LRMDA: variants seen among roughly 807,000 people sequenced by gnomAD.
LRMDA encodes the protein leucine rich melanocyte differentiation associated, also known as leucine-rich melanocyte differentiation-associated protein.
A neutral mutation model predicts 29.8 loss-of-function variants in LRMDA; 18 were observed. The observed-to-expected ratio is 0.60, with a 90% CI of 0.42 to 0.90. The LOEUF is 0.90. Ranked by LOEUF, LRMDA falls within the 40% of genes least tolerant of loss-of-function variation. The probability of loss-of-function intolerance (pLI) is 0.00; values close to 1 mark genes in which losing one functional copy is unlikely to be tolerated. For synonymous variants in LRMDA, 125 were observed against 109.4 expected (o/e 1.14, Z -0.89); for missense variants, 273 against 273.9 (o/e 1.00, Z 0.02).
chr10:76,390,422 T>A (rs1841709087), intron 6 of LRMDA, among the ~76,000 whole-genome samples: 1 of 151,796 alleles, frequency 6.6e-6, no homozygotes, highest in South Asian at 2.1e-4. Flanking sequence ...TGATAAGGCT[T>A]CCATGATGCA....
At chr10:76,292,964 T>C (rs1840367586) in intron 5 of LRMDA, among the ~76,000 whole-genome samples, 1 of 152,096 alleles carries the variant, frequency 6.6e-6, no homozygotes, top group Admixed American at 6.6e-5. Context: ...AAACAGTGTG[T>C]GTATTTAATT....
chr10:75,785,975 A>G (rs1212828356), intron 2 of LRMDA, among the ~76,000 whole-genome samples: 5 of 152,262 alleles, frequency 3.3e-5, no homozygotes, highest in African/African-American at 9.6e-5. Context: ...GCCTTTTCAC[A>G]TAATGAGTAG....
At chr10:75,613,851 C>G (rs1257153452) in intron 2 of LRMDA, among the ~76,000 whole-genome samples, 2 of 152,144 alleles carry the variant, frequency 1.3e-5, no homozygotes, top group Non-Finnish European at 1.5e-5. Context: ...AATGGTTACC[C>G]TTTGGTGCTT....
At chr10:76,309,813 C>T (rs562132829) in intron 5 of LRMDA, among the ~76,000 whole-genome samples, 1 of 152,178 alleles carries the variant, frequency 6.6e-6, no homozygotes, top group African/African-American at 2.4e-5. Flanking sequence ...AATTTTACAA[C>T]AAGCCAGCGC....
At chr10:75,964,769 TTTG>T (rs1449475322) in intron 2 of LRMDA, among the ~76,000 whole-genome samples, 4 of 152,116 alleles carry the variant, frequency 2.6e-5, no homozygotes, top group East Asian at 1.9e-4. Flanking sequence ...TTTGTTTGTT[TTTG>T]TTGTTGTTGT....
At chr10:75,540,729 T>C (rs1190193278) in intron 2 of LRMDA, among the ~76,000 whole-genome samples, 3 of 152,210 alleles carry the variant, frequency 2.0e-5, no homozygotes, top group African/African-American at 7.2e-5. Context: ...TTGTAATTAG[T>C]TGTGTATGTG....
intron 2 of LRMDA, among the ~76,000 whole-genome samples, chr10:75,640,083 A>G (rs1287068462): frequency 1.3e-5 from 2 of 152,238 alleles, no homozygotes; most frequent in Admixed American, 1.3e-4. Flanking sequence ...AACAGGAAAT[A>G]AAAAACTCCT....
At chr10:76,281,140 T>C (rs923356594) in intron 5 of LRMDA, among the ~76,000 whole-genome samples, 7 of 152,226 alleles carry the variant, frequency 4.6e-5, no homozygotes, top group Non-Finnish European at 8.8e-5. Flanking sequence ...TCAATTTTTG[T>C]GTAGAAGGAA....
intron 2 of LRMDA, among the ~76,000 whole-genome samples, chr10:75,792,823 T>TTGATATA: frequency 6.6e-6 from 1 of 152,072 alleles, no homozygotes; most frequent in South Asian, 2.1e-4. Flanking sequence ...ACTAAATGAG[T>TTGATATA]TGATATATGA....
At chr10:75,685,353 C>T (rs1238946373) in intron 2 of LRMDA, among the ~76,000 whole-genome samples, 3 of 152,254 alleles carry the variant, frequency 2.0e-5, no homozygotes, top group African/African-American at 7.2e-5. Flanking sequence ...AGATTTACAT[C>T]ACAAGGTATT....
intron 6 of LRMDA, among the ~76,000 whole-genome samples, chr10:76,374,026 G>A (rs377714661): frequency 6.6e-6 from 1 of 152,320 alleles, no homozygotes; most frequent in East Asian, 1.9e-4. Flanking sequence ...TGCTGTTTTA[G>A]TGTCAAATAG....
intron 4 of LRMDA, among the ~76,000 whole-genome samples, chr10:76,054,483 A>G (rs569007586): frequency 2.6e-4 from 39 of 151,958 alleles, no homozygotes; most frequent in Non-Finnish European, 5.3e-4. Context: ...ATCCAAAGTG[A>G]GGCAAAATGA....
rs1156503928 is a variant in LRMDA, at chr10:76,557,270, C to T, written c.663C>T (p.Ile221=). The change falls in exon 7 of 7, where the codon ATC becomes ATT. Residue 221 remains isoleucine (I), a synonymous_variant. Transcript: ENST00000611255. Reference sequence around the variant, plus strand: ...AAAACTCAGAGGGCAACAGGTTTATCCGAGATGACCAGCTCTGAAGCCAAC... The same window carrying T: ...AAAACTCAGAGGGCAACAGGTTTATTCGAGATGACCAGCTCTGAAGCCAAC... ...YGKNSEGNRF[I]RDDQL is the part of the protein sequence containing the mutation. The T allele has an allele frequency of 2.5e-6, 4 of 1,613,840 alleles. No individual in the cohort carries two copies. Among genetic ancestry groups the T allele is most frequent in the African/African-American group, 2.7e-5 (2 of 74,904 alleles).
At chr10:76,396,353 G>A (rs1841783956) in intron 6 of LRMDA, 1 of 152,212 alleles carries the variant, frequency 6.6e-6, no homozygotes, top group South Asian at 2.1e-4. Context: ...TGGTGATCGG[G>A]AGTCATAAAT....
At chr10:75,496,329 A>G (rs554206158) in intron 2 of LRMDA, among the ~76,000 whole-genome samples, 2 of 152,298 alleles carry the variant, frequency 1.3e-5, no homozygotes, top group South Asian at 4.1e-4. Flanking sequence ...AATCTATAAA[A>G]CAGAGCTAGT....
intron 2 of LRMDA, among the ~76,000 whole-genome samples, chr10:75,932,746 A>G (rs905525472): frequency 1.1e-4 from 17 of 152,194 alleles, no homozygotes; most frequent in Admixed American, 6.5e-4. Flanking sequence ...TGTTTATTCC[A>G]AAGGCTAGTA....
At chr10:76,224,941 T>C (rs929732338) in intron 5 of LRMDA, among the ~76,000 whole-genome samples, 1 of 152,124 alleles carries the variant, frequency 6.6e-6, no homozygotes, top group East Asian at 1.9e-4. Flanking sequence ...TATATTTCTT[T>C]GTAAATGTAC....
intron 2 of LRMDA, among the ~76,000 whole-genome samples, chr10:76,003,454 C>T (rs1407263056): frequency 1.3e-5 from 2 of 152,134 alleles, no homozygotes; most frequent in Non-Finnish European, 2.9e-5. Flanking sequence ...TAGGTGCTTG[C>T]ATTAAATCCA....
chr10:76,341,266 AT>A (rs2132420054), intron 6 of LRMDA, among the ~76,000 whole-genome samples: 1 of 152,312 alleles, frequency 6.6e-6, no homozygotes, highest in African/African-American at 2.4e-5. Context: ...ATATAGCAAA[AT>A]AAAGTGCCAA....
Sources: allele counts gnomAD v4.1 joint callset (sites outside exome capture counted in the v4.1 genomes callset), GRCh38; gene constraint gnomAD v4.1.1; transcripts MANE v1.5; gene names NCBI Gene and HGNC (gene_info 2026-07-23, HGNC 2026-07-21).